GAK: variants seen among roughly 807,000 people sequenced by gnomAD.
GAK encodes cyclin G associated kinase.
In GAK, 79 loss-of-function variants were observed where a neutral mutation model predicts 143.9. The observed-to-expected ratio is 0.55, with a 90% CI of 0.46 to 0.66. The LOEUF (loss-of-function observed/expected upper bound fraction) is 0.66, where lower values mean the gene tolerates loss of function less well. Ranked by LOEUF, GAK falls within the 30% of genes least tolerant of loss-of-function variation. The probability of loss-of-function intolerance (pLI) is 0.00; values close to 1 mark genes in which losing one functional copy is unlikely to be tolerated. For missense variants in GAK, 1,693 were observed against 1,779.7 expected (o/e 0.95, Z 0.88); for synonymous variants, 881 against 765.5 (o/e 1.15, Z -2.49).
intron 10 of GAK, among the ~76,000 whole-genome samples, chr4:889,756 G>C (rs1717281768): frequency 6.6e-6 from 1 of 152,210 alleles, no homozygotes; most frequent in African/African-American, 2.4e-5. Context: ...TGCAGACCCA[G>C]CCGCTGCCTG....
intron 15 of GAK, 45 bp downstream of exon 15, chr4:881,862 C>T (rs370065909): frequency 3.1e-5 from 47 of 1,526,240 alleles, no homozygotes; most frequent in African/African-American, 8.2e-5. Flanking sequence ...CAGTGCCACA[C>T]GGGCCCACAG....
At chr4:878,009 G>C (rs1381067981) in intron 15 of GAK, among the ~76,000 whole-genome samples, 200 bp from the exon 16 acceptor site, 1 of 151,962 alleles carries the variant, frequency 6.6e-6, no homozygotes, top group Non-Finnish European at 1.5e-5. Flanking sequence ...GTATTTTTAA[G>C]ACAGAGTCTT....
chr4:882,176 G>T, intron 14 of GAK, 136 bp from the exon 15 acceptor site: 1 of 988,992 alleles, frequency 1.0e-6, no homozygotes. Flanking sequence ...GATATGTTTA[G>T]GGAGCTACAT....
chr4:868,830 G>C, intron 19 of GAK, 145 bp from the exon 20 acceptor site: 1 of 771,912 alleles, frequency 1.3e-6, no homozygotes, highest in Admixed American at 2.8e-5. Flanking sequence ...TGACATGACG[G>C]GGAGGGGCTC....
intron 11 of GAK, 85 bp from the exon 12 acceptor site, chr4:884,171 G>A: frequency 8.1e-7 from 1 of 1,242,026 alleles, no homozygotes; most frequent in Admixed American, 1.8e-5. Context: ...CCCGAGGCCT[G>A]GAGAAGCCGT....
rs1352316140 is a variant in GAK, at chr4:849,541, C to T, written c.*132G>A. 12 of 644,742 alleles carry T rather than the reference C, an allele frequency of 1.9e-5. No homozygotes were observed. The highest frequency in any genetic ancestry group is 3.7e-5 in the African/African-American group (2 of 54,652). The allele number at this position is 644,742 out of a possible 1,614,324, so 39.9% of individuals were successfully genotyped here. The stretch of plus-strand genomic sequence containing the variant: ...TCATGTGCCTGGAACGCTGGGCGGG[C>T]GGTGACCCGGGGCTCGGAGCCCCAC... On this transcript the variant is annotated 3_prime_UTR_variant, in exon 28 of 28. Coordinates refer to ENST00000314167, the MANE Select transcript of GAK (RefSeq NM_005255.4).
At chr4:904,171 G>A (rs1245967156) in intron 5 of GAK, among the ~76,000 whole-genome samples, 1 of 151,812 alleles carries the variant, frequency 6.6e-6, no homozygotes, top group Non-Finnish European at 1.5e-5. Context: ...AACCGAGTGG[G>A]ACCCGCACAC....
chr4:877,115 G>C lies in GAK; in HGVS notation c.1949C>G (p.Thr650Ser). 3 of 1,612,934 alleles carry C rather than the reference G, an allele frequency of 1.9e-6. No homozygotes were observed. The highest frequency in any genetic ancestry group is 1.3e-5 in the African/African-American group (1 of 75,014). The change falls in exon 17 of 28, where the codon ACT becomes AGT. Residue 650 changes from threonine (T) to serine (S), a missense_variant. By Grantham distance (58) the Thr-to-Ser change is moderately conservative. Coordinates refer to ENST00000314167, the MANE Select transcript of GAK (RefSeq NM_005255.4). ...VLIVIYHARS[T>S]LGGRLQAKMA... ...CTTGGCCTGCAGCCGGCCGCCCAGA[G>C]TGGACCGGGCGTGATAGATGACGAT...
intron 24 of GAK, among the ~76,000 whole-genome samples, chr4:854,861 C>T (rs577491114): frequency 5.1e-4 from 78 of 152,250 alleles, no homozygotes; most frequent in African/African-American, 7.0e-4. Context: ...CTGACTAACA[C>T]GGTGAAACCC....
intron 18 of GAK, among the ~76,000 whole-genome samples, chr4:871,447 C>T (rs1712601492): frequency 6.6e-6 from 1 of 152,240 alleles, no homozygotes; most frequent in South Asian, 2.1e-4. Context: ...ACGACGTCCG[C>T]CCTGACAAAA....
rs540869058 is a variant in GAK at position 911,498 on chromosome 4, A to G, written c.382+175T>C. On this transcript the variant is annotated intron_variant, in intron 4 of 27. Coordinates refer to ENST00000314167, the MANE Select transcript of GAK (RefSeq NM_005255.4). The stretch of plus-strand genomic sequence containing the variant: ...GACAGTGGGAAGCTCACTGGGCGTC[A>G]GCGTGGGCCTCTCACAGAACTACTG... Among the ~76,000 whole-genome samples the G allele has an allele frequency of 3.3e-5, 5 of 152,316 alleles. No individual in the cohort carries two copies. The South Asian group carries it at 8.3e-4, about 25-fold the overall frequency.
chr4:864,692 G>A (rs779947027), intron 23 of GAK, among the ~76,000 whole-genome samples: 1 of 152,002 alleles, frequency 6.6e-6, no homozygotes, highest in Non-Finnish European at 1.5e-5. Context: ...ATGGGGCATC[G>A]GCCGCAACAC....
intron 24 of GAK, among the ~76,000 whole-genome samples, chr4:858,980 T>TGCAAGG (rs1430235428): frequency 6.6e-6 from 1 of 152,194 alleles, no homozygotes; most frequent in Non-Finnish European, 1.5e-5. Flanking sequence ...GCCAGGCAAG[T>TGCAAGG]GCAAGGGAGG....
At chr4:880,631 T>C (rs933895460) in intron 15 of GAK, among the ~76,000 whole-genome samples, 4 of 152,126 alleles carry the variant, frequency 2.6e-5, no homozygotes, top group Admixed American at 2.0e-4. Context: ...TTGGACTCTT[T>C]CTGGCCTCCT....
intron 4 of GAK, 62 bp from the exon 5 acceptor site, chr4:904,841 G>C (rs1336022397): frequency 3.2e-6 from 5 of 1,556,462 alleles, no homozygotes; most frequent in Non-Finnish European, 3.5e-6. Context: ...GGGAACCTAG[G>C]GCTGTTTCAC....
In GAK at chr4:851,754, G is replaced by C. The variant is rs539110746; in HGVS notation, c.3504C>G (p.Ser1168Arg). The change falls in exon 25 of 28, where the codon AGC becomes AGG. Residue 1168 changes from serine to arginine, a missense_variant. Coordinates refer to ENST00000314167, the MANE Select transcript of GAK (RefSeq NM_005255.4). ...AREERGVRAP[S>R]FAQKPKVSEN... is the part of the protein sequence containing the mutation. ...AACAGAGAGTGGGGGACTCACCAAA[G>C]CTGGGTGCGCGGACCCCCCGCTCCT... The C allele has an allele frequency of 7.4e-6, 12 of 1,613,204 alleles. No individual in the cohort carries two copies. The South Asian group carries it at 1.2e-4, about 16-fold the overall frequency.
intron 4 of GAK, among the ~76,000 whole-genome samples, chr4:910,094 T>C (rs2152930450): frequency 6.6e-6 from 1 of 152,266 alleles, no homozygotes; most frequent in South Asian, 2.1e-4. Flanking sequence ...CAGAGAAGCA[T>C]GGGCAGAGCC....
intron 19 of GAK, among the ~76,000 whole-genome samples, chr4:870,297 C>T (rs1712270691): frequency 6.6e-6 from 1 of 152,220 alleles, no homozygotes; most frequent in South Asian, 2.1e-4. Context: ...TTCGAAACTG[C>T]TCGGAAGTGA....
intron 7 of GAK, among the ~76,000 whole-genome samples, chr4:895,899 G>C (rs1218637986): frequency 6.6e-6 from 1 of 152,222 alleles, no homozygotes; most frequent in South Asian, 2.1e-4. Context: ...ACGGGGCCGA[G>C]GGGAGCCTCA....
Sources: allele counts gnomAD v4.1 joint callset (sites outside exome capture counted in the v4.1 genomes callset), GRCh38; gene constraint gnomAD v4.1.1; transcripts MANE v1.5; gene names NCBI Gene and HGNC (gene_info 2026-07-23, HGNC 2026-07-21).